Variants in MEIKIN observed in about 807,000 individuals in gnomAD.
MEIKIN encodes meiotic kinetochore factor, also known as meiosis-specific kinetochore protein.
chr5:131,937,796 G>A (rs1751805324), intron 4 of MEIKIN, among the ~76,000 whole-genome samples: 1 of 151,644 alleles, frequency 6.6e-6, no homozygotes, highest in Admixed American at 6.6e-5. Flanking sequence ...TTTTTTCTCT[G>A]GAAAACTAAT....
intron 5 of MEIKIN, among the ~76,000 whole-genome samples, chr5:131,932,014 T>C (rs576836450): frequency 1.1e-4 from 16 of 152,288 alleles, no homozygotes; most frequent in African/African-American, 2.6e-4. Context: ...GTCAGTTTCA[T>C]TGAGGACTCC....
chr5:131,869,674 A>G (rs1021858433), intron 9 of MEIKIN, among the ~76,000 whole-genome samples: 7 of 152,192 alleles, frequency 4.6e-5, no homozygotes, highest in Non-Finnish European at 1.0e-4. Flanking sequence ...TTACTCTAAC[A>G]TTTACTATGA....
intron 11 of MEIKIN, among the ~76,000 whole-genome samples, chr5:131,832,417 C>A (rs1471880062): frequency 6.6e-6 from 1 of 152,136 alleles, no homozygotes; most frequent in Non-Finnish European, 1.5e-5. Flanking sequence ...TTGCAGGGTA[C>A]AACCTCCCTC....
chr5:131,930,091 C>T (rs1489747697), intron 5 of MEIKIN, among the ~76,000 whole-genome samples: 1 of 152,176 alleles, frequency 6.6e-6, no homozygotes, highest in Non-Finnish European at 1.5e-5. Context: ...GAGAAATCTG[C>T]AAACTTCTTT....
chr5:131,945,126 A>G, intron 2 of MEIKIN, 30 bp downstream of exon 2: 1 of 399,130 alleles, frequency 2.5e-6, no homozygotes, highest in Non-Finnish European at 4.4e-6. Flanking sequence ...GTGGCAAGCT[A>G]GGATCGGGCT....
At chr5:131,930,511 TTTTG>T (rs1322569108) in intron 5 of MEIKIN, among the ~76,000 whole-genome samples, 2 of 152,252 alleles carry the variant, frequency 1.3e-5, no homozygotes, top group Non-Finnish European at 2.9e-5. Flanking sequence ...ATTTGTCAAT[TTTTG>T]TTTTTCTTGC....
At chr5:131,845,647 T>A in intron 11 of MEIKIN, among the ~76,000 whole-genome samples, 1 of 150,042 alleles carries the variant, frequency 6.7e-6, no homozygotes. Flanking sequence ...GTACAATAAC[T>A]GAAAGGAAAA....
At chr5:131,871,438 C>T (rs1048727426) in intron 9 of MEIKIN, among the ~76,000 whole-genome samples, 19 of 152,162 alleles carry the variant, frequency 1.2e-4, no homozygotes, top group Non-Finnish European at 2.5e-4. Context: ...AAGGCGACAG[C>T]GAGGCTGGGG....
chr5:131,879,419 A>G (rs191417649), intron 8 of MEIKIN, among the ~76,000 whole-genome samples: 34 of 152,250 alleles, frequency 2.2e-4, no homozygotes, highest in African/African-American at 7.9e-4. Flanking sequence ...TTAAATTTCA[A>G]TAGCTTTAGG....
intron 9 of MEIKIN, among the ~76,000 whole-genome samples, chr5:131,866,751 CAGG>C (rs1356649658): frequency 2.6e-5 from 4 of 152,054 alleles, no homozygotes; most frequent in Non-Finnish European, 2.9e-5. Context: ...TGCATGGAAG[CAGG>C]AGAAGGACAG....
At chr5:131,819,414 CAGAGGGGGAGGG>C (rs1374224800) in intron 11 of MEIKIN, among the ~76,000 whole-genome samples, 36 of 95,580 alleles carry the variant, frequency 3.8e-4, no homozygotes, top group African/African-American at 6.5e-4. Context: ...GAGGAAGAGG[CAGAGGGGGAGGG>C]AGAGGGGGAG....
chr5:131,941,043 C>T (rs543917156), intron 4 of MEIKIN, among the ~76,000 whole-genome samples: 9 of 150,682 alleles, frequency 6.0e-5, no homozygotes, highest in Admixed American at 1.3e-4. Flanking sequence ...CTGGTAGCTG[C>T]CAGAGTTTCC....
intron 8 of MEIKIN, among the ~76,000 whole-genome samples, chr5:131,906,132 A>C (rs1201001655): frequency 2.0e-5 from 3 of 152,232 alleles, no homozygotes; most frequent in African/African-American, 7.2e-5. Flanking sequence ...CATCTCACAA[A>C]GGTCTAATAT....
chr5:131,848,400 T>C (rs536867272), intron 11 of MEIKIN, among the ~76,000 whole-genome samples: 112 of 152,162 alleles, frequency 7.4e-4, no homozygotes, highest in Non-Finnish European at 1.4e-3. Flanking sequence ...TGAACAATTG[T>C]ATATCAACAA....
intron 8 of MEIKIN, among the ~76,000 whole-genome samples, chr5:131,908,833 C>A (rs754308637): frequency 1.7e-4 from 26 of 152,014 alleles, no homozygotes; most frequent in Non-Finnish European, 3.5e-4. Context: ...TTTACAAGAG[C>A]AACAAATAAA....
At chr5:131,905,310 A>C (rs985248465) in intron 8 of MEIKIN, among the ~76,000 whole-genome samples, 6 of 152,222 alleles carry the variant, frequency 3.9e-5, no homozygotes, top group African/African-American at 1.4e-4. Context: ...GTAAGAGGGA[A>C]GTTTATAGCA....
chr5:131,882,507 T>C lies in MEIKIN; in HGVS notation c.704-3459A>G, dbSNP rs192074225. Among the ~76,000 whole-genome samples, 183 of 152,300 alleles carry C rather than the reference T, an allele frequency of 1.2e-3. 1 individual carries two copies. The highest frequency in any genetic ancestry group is 3.3e-3 in the African/African-American group (138 of 41,550). On this transcript the variant is annotated intron_variant, in intron 8 of 12. Coordinates refer to ENST00000442687, the MANE Select transcript of MEIKIN (RefSeq NM_001303622.2). ...ATTTTCCATCTTACTACAACATATATGAATATCCTAAAATGGTAATGTCAG... is the reference window on the plus strand; with the variant it reads ...ATTTTCCATCTTACTACAACATATACGAATATCCTAAAATGGTAATGTCAG...
At position 131,830,664 on chromosome 5, in the gene MEIKIN, C is replaced by A. The variant is rs547779242; in HGVS notation, c.976-11801G>T. Reference sequence around the variant, plus strand: ...CATTTCCCTGGCAATGACAATTGGTCCAAAATGTAGGCATGTGAAAAAGTC... The same window carrying A: ...CATTTCCCTGGCAATGACAATTGGTACAAAATGTAGGCATGTGAAAAAGTC... On this transcript the variant is annotated intron_variant, in intron 11 of 12. Coordinates refer to ENST00000442687, the MANE Select transcript of MEIKIN (RefSeq NM_001303622.2). Among the ~76,000 whole-genome samples, 82 of 152,232 alleles carry A rather than the reference C, an allele frequency of 5.4e-4. No homozygotes were observed. The South Asian group carries it at 0.016, about 30-fold the overall frequency.
intron 4 of MEIKIN, 73 bp from the exon 5 acceptor site, chr5:131,933,714 G>A (rs1751725784): frequency 5.1e-6 from 2 of 393,272 alleles, no homozygotes; most frequent in East Asian, 7.2e-5. Flanking sequence ...AAATTGAAAT[G>A]TATGGAAATG....
Sources: allele counts gnomAD v4.1 joint callset (sites outside exome capture counted in the v4.1 genomes callset), GRCh38; gene constraint gnomAD v4.1.1; transcripts MANE v1.5; gene names NCBI Gene and HGNC (gene_info 2026-07-23, HGNC 2026-07-21).